FBXL17: variants seen among roughly 807,000 people sequenced by gnomAD.
FBXL17 encodes F-box and leucine rich repeat protein 17, also known as F-box/LRR-repeat protein 17.
A neutral mutation model predicts 66.2 loss-of-function variants in FBXL17; 22 were observed. The observed-to-expected ratio is 0.33, with a 90% CI of 0.24 to 0.47. FBXL17 has a LOEUF of 0.47. Ranked by LOEUF, FBXL17 falls within the 20% of genes least tolerant of loss-of-function variation. FBXL17 has a pLI of 1.00. For synonymous variants in FBXL17, 474 were observed against 400.5 expected, an observed-to-expected ratio of 1.18 and a Z score of -2.19; for missense variants, 878 against 948.2, an observed-to-expected ratio of 0.93 and a Z score of 0.97.
chr5:108,144,731 C>T (rs1751491887), intron 6 of FBXL17, among the ~76,000 whole-genome samples: 2 of 152,116 alleles, frequency 1.3e-5, no homozygotes, highest in Admixed American at 1.3e-4. Context: ...TTCTTTAACA[C>T]ATATAATCTA....
At chr5:107,927,313 A>G (rs575530499) in intron 7 of FBXL17, among the ~76,000 whole-genome samples, 59 of 152,256 alleles carry the variant, frequency 3.9e-4, no homozygotes, top group Admixed American at 8.5e-4. Context: ...GTTGCATGCA[A>G]TGGTGTAGGC....
chr5:108,200,450 C>G (rs1482375405), intron 5 of FBXL17, among the ~76,000 whole-genome samples: 2 of 152,080 alleles, frequency 1.3e-5, no homozygotes, highest in Non-Finnish European at 2.9e-5. Context: ...AATCCAGAAA[C>G]AGGAATGATT....
chr5:107,956,391 A>T (rs1431048723), intron 7 of FBXL17, among the ~76,000 whole-genome samples: 2 of 152,162 alleles, frequency 1.3e-5, no homozygotes, highest in African/African-American at 4.8e-5. Context: ...TTGGCTTGCC[A>T]CTTCACTTGT....
intron 4 of FBXL17, among the ~76,000 whole-genome samples, chr5:108,296,393 G>A (rs140733734): frequency 0.019 from 2,894 of 151,908 alleles, 44 homozygotes; most frequent in Middle Eastern, 0.031. Flanking sequence ...TGCCAATTTA[G>A]TTTCTTAAAC....
Position 108,123,696 on chromosome 5 carries a change from T to C in FBXL17, c.1745+62421A>G, listed in dbSNP as rs551187100. Among the ~76,000 whole-genome samples the C allele has an allele frequency of 2.0e-5, 3 of 152,270 alleles. No homozygotes were observed. In the South Asian group the frequency reaches 6.2e-4, roughly 32 times the overall value. On this transcript the variant is annotated intron_variant, in intron 6 of 8. Coordinates refer to ENST00000542267, the MANE Select transcript of FBXL17 (RefSeq NM_001163315.3). ...CTCATTGTCACCTTTCATTAGCTGA[T>C]ACTCCCTATTTCTGTGTTCTTGTCT...
At chr5:108,242,601 C>A (rs966095232) in intron 4 of FBXL17, among the ~76,000 whole-genome samples, 12 of 152,022 alleles carry the variant, frequency 7.9e-5, no homozygotes, top group Non-Finnish European at 1.6e-4. Context: ...AATATTTTAG[C>A]TTTTAATTAT....
In FBXL17 at chr5:108,291,124, T is replaced by C. The variant is rs769702329; in HGVS notation, c.1506+57275A>G. 3.9e-5 allele frequency among the ~76,000 whole-genome samples: 6 copies of C among 152,172 alleles called. No homozygotes were observed. In the South Asian group the frequency reaches 8.3e-4, roughly 21 times the overall value. On this transcript the variant is annotated intron_variant, in intron 4 of 8. Transcript: ENST00000542267. Reference sequence around the variant, plus strand: ...ATATAAAATGTTGAGCTATTAAATATTGGACTAGTTCCATTTCTGCAACTG... The same window carrying C: ...ATATAAAATGTTGAGCTATTAAATACTGGACTAGTTCCATTTCTGCAACTG...
At chr5:108,186,495 GGC>G (rs61241742) in intron 5 of FBXL17, among the ~76,000 whole-genome samples, 18,165 of 152,140 alleles carry the variant, frequency 0.12, 1,313 homozygotes, top group Admixed American at 0.16. Context: ...GATTTGGCCA[GGC>G]GCGGTGGCTC....
At chr5:108,211,010 T>C (rs916363825) in intron 5 of FBXL17, among the ~76,000 whole-genome samples, 3 of 152,186 alleles carry the variant, frequency 2.0e-5, no homozygotes, top group African/African-American at 7.2e-5. Context: ...TGGGTGCATA[T>C]ATATTTAGGA....
At chr5:108,341,401 C>G (rs1298945345) in intron 4 of FBXL17, among the ~76,000 whole-genome samples, 2 of 152,016 alleles carry the variant, frequency 1.3e-5, no homozygotes, top group African/African-American at 4.8e-5. Flanking sequence ...AACAATGGGA[C>G]AACAGTACGA....
At chr5:108,056,395 T>A (rs1747710901) in intron 6 of FBXL17, among the ~76,000 whole-genome samples, 1 of 152,232 alleles carries the variant, frequency 6.6e-6, no homozygotes, top group African/African-American at 2.4e-5. Flanking sequence ...TAGTGGGGAA[T>A]AATTTGTCTG....
intron 4 of FBXL17, among the ~76,000 whole-genome samples, chr5:108,329,514 A>G (rs1374236409): frequency 6.6e-6 from 1 of 152,068 alleles, no homozygotes. Flanking sequence ...ATAAACATCA[A>G]CTCAATAGAA....
chr5:108,059,645 C>T (rs1747845273), intron 6 of FBXL17, among the ~76,000 whole-genome samples: 1 of 152,164 alleles, frequency 6.6e-6, no homozygotes, highest in South Asian at 2.1e-4. Context: ...TTTTGTTCTC[C>T]AAATGACCAT....
At chr5:108,192,922 C>T (rs983806787) in intron 5 of FBXL17, among the ~76,000 whole-genome samples, 8 of 152,078 alleles carry the variant, frequency 5.3e-5, no homozygotes, top group South Asian at 2.1e-4. Context: ...GATGAATTAA[C>T]GAAAGAGGAC....
At chr5:107,941,117 GAAA>G (rs11304102) in intron 7 of FBXL17, among the ~76,000 whole-genome samples, 1 of 149,306 alleles carries the variant, frequency 6.7e-6, no homozygotes, top group African/African-American at 2.4e-5. Flanking sequence ...TAAATCAAGT[GAAA>G]AAAAAAAAAC....
chr5:108,094,859 A>G (rs1749311666), intron 6 of FBXL17, among the ~76,000 whole-genome samples: 1 of 149,700 alleles, frequency 6.7e-6, no homozygotes, highest in Non-Finnish European at 1.5e-5. Flanking sequence ...ATCAAAATTG[A>G]CAGGAACAAG....
At chr5:107,880,489 C>T in intron 8 of FBXL17, 2 of 995,722 alleles carry the variant, frequency 2.0e-6, no homozygotes, top group Non-Finnish European at 2.4e-6. Flanking sequence ...CCTCTGGAAC[C>T]ACTTCTTATC....
chr5:107,920,989 GA>G (rs890872995), intron 7 of FBXL17, among the ~76,000 whole-genome samples: 1 of 151,516 alleles, frequency 6.6e-6, no homozygotes, highest in Admixed American at 6.6e-5. Context: ...ATGGCTTGTT[GA>G]AAAAAAATAC....
intron 7 of FBXL17, among the ~76,000 whole-genome samples, chr5:107,885,881 T>C (rs1481899879): frequency 6.6e-6 from 1 of 152,120 alleles, no homozygotes; most frequent in African/African-American, 2.4e-5. Flanking sequence ...AAGATACTTC[T>C]TGTAATAGCT....
Sources: allele counts gnomAD v4.1 joint callset (sites outside exome capture counted in the v4.1 genomes callset), GRCh38; gene constraint gnomAD v4.1.1; transcripts MANE v1.5; gene names NCBI Gene and HGNC (gene_info 2026-07-23, HGNC 2026-07-21).